The following SGCD variants were observed in gnomAD, a reference collection of about 807,000 sequenced individuals.
The protein encoded by SGCD is sarcoglycan delta, also known as delta-sarcoglycan.
A neutral mutation model predicts 36.6 loss-of-function variants in SGCD; 18 were observed. The observed-to-expected ratio is 0.49, with a 90% CI of 0.34 to 0.73. The LOEUF is 0.73. Among genes scored for constraint, SGCD ranks in the 30% least tolerant of loss-of-function variants. SGCD has a pLI of 0.01. For missense variants in SGCD, 387 were observed against 346.7 expected (o/e 1.12, Z -0.92); for synonymous variants, 133 against 130.6 (o/e 1.02, Z -0.12).
chr5:155,973,717 G>T (rs1003586732), intron 1 of SGCD, among the ~76,000 whole-genome samples: 6 of 152,178 alleles, frequency 3.9e-5, no homozygotes, highest in Non-Finnish European at 7.3e-5. Flanking sequence ...ACCTGGCTTT[G>T]AATTCTGGCT....
intron 1 of SGCD, among the ~76,000 whole-genome samples, chr5:155,960,257 C>T (rs1181616017): frequency 6.6e-6 from 1 of 152,018 alleles, no homozygotes; most frequent in Non-Finnish European, 1.5e-5. Context: ...CAGGGGAAAC[C>T]TAGGCCCTGC....
chr5:156,747,857 C>T (rs1279271742), intron 7 of SGCD, among the ~76,000 whole-genome samples: 1 of 152,120 alleles, frequency 6.6e-6, no homozygotes, highest in Non-Finnish European at 1.5e-5. Flanking sequence ...TAAAGACATG[C>T]CTGTCTTATA....
intron 7 of SGCD, among the ~76,000 whole-genome samples, chr5:156,664,789 G>A (rs1266138026): frequency 7.6e-6 from 1 of 131,526 alleles, no homozygotes; most frequent in Non-Finnish European, 1.6e-5. Context: ...CATATAAGGG[G>A]AGTTGGGTCC....
the SGCD span, among the ~76,000 whole-genome samples, chr5:155,832,108 C>A: frequency 6.6e-6 from 1 of 152,166 alleles, no homozygotes; most frequent in Non-Finnish European, 1.5e-5. Flanking sequence ...AAGATATAGT[C>A]AATTCTTCAG....
At chr5:156,686,238 A>G (rs74809905) in intron 7 of SGCD, among the ~76,000 whole-genome samples, 1 of 152,152 alleles carries the variant, frequency 6.6e-6, no homozygotes, top group Non-Finnish European at 1.5e-5. Flanking sequence ...ATCCAAGGTC[A>G]TATTGCATGT....
intron 3 of SGCD, among the ~76,000 whole-genome samples, chr5:156,148,120 T>C (rs1048377074): frequency 6.6e-6 from 1 of 152,156 alleles, no homozygotes; most frequent in African/African-American, 2.4e-5. Flanking sequence ...GAAAAAAGAA[T>C]GTGTGTCTTC....
chr5:156,063,574 T>A (rs1170807659), intron 1 of SGCD, among the ~76,000 whole-genome samples: 1 of 107,716 alleles, frequency 9.3e-6, no homozygotes, highest in Non-Finnish European at 1.9e-5. Flanking sequence ...GAGCATGGAA[T>A]GTTCTTCCAT....
chr5:155,921,562 G>C (rs1456610292), intron 1 of SGCD, among the ~76,000 whole-genome samples: 1 of 146,412 alleles, frequency 6.8e-6, no homozygotes, highest in East Asian at 2.1e-4. Context: ...TCTTTCTCTG[G>C]AAAGAAAGGG....
chr5:156,335,736 ACCTTGGGGTTCT>A (rs1158173727), intron 2 of SGCD, among the ~76,000 whole-genome samples: 2 of 151,824 alleles, frequency 1.3e-5, no homozygotes, highest in Non-Finnish European at 1.5e-5. Context: ...TTATGCTGAA[ACCTTGGGGTTCT>A]CCTTGACTCC....
intron 3 of SGCD, among the ~76,000 whole-genome samples, chr5:156,258,617 T>G (rs1485677869): frequency 1.3e-5 from 2 of 152,096 alleles, no homozygotes; most frequent in Admixed American, 1.3e-4. Flanking sequence ...TTCATATACT[T>G]CAACACACAA....
At chr5:156,612,414 G>A (rs280458) in intron 6 of SGCD, among the ~76,000 whole-genome samples, 36,607 of 152,150 alleles carry the variant, frequency 0.24, 4,518 homozygotes, top group East Asian at 0.31. Context: ...AAGTTTTGCC[G>A]AGAGCTGAAG....
chr5:156,593,291 C>T (rs1760796017), intron 5 of SGCD, among the ~76,000 whole-genome samples: 1 of 152,174 alleles, frequency 6.6e-6, no homozygotes, highest in Non-Finnish European at 1.5e-5. Flanking sequence ...CTGGTTGGCA[C>T]TATCAGCCCA....
At chr5:156,139,745 C>G (rs1184112542) in intron 3 of SGCD, among the ~76,000 whole-genome samples, 1 of 152,146 alleles carries the variant, frequency 6.6e-6, no homozygotes, top group Non-Finnish European at 1.5e-5. Context: ...AGGAAGAAAA[C>G]TGGTAGCATG....
intron 1 of SGCD, among the ~76,000 whole-genome samples, chr5:155,998,798 T>C (rs1758606596): frequency 1.3e-5 from 2 of 152,212 alleles, no homozygotes; most frequent in Admixed American, 6.5e-5. Flanking sequence ...TTCTATGACT[T>C]ACCTGCTGGG....
intron 6 of SGCD, among the ~76,000 whole-genome samples, chr5:156,625,619 C>A (rs1198410672): frequency 1.3e-5 from 2 of 152,136 alleles, no homozygotes; most frequent in African/African-American, 4.8e-5. Context: ...TGATCACAAA[C>A]CCACTGAATT....
chr5:156,386,129 A>C (rs558499054), intron 3 of SGCD, among the ~76,000 whole-genome samples: 11 of 152,162 alleles, frequency 7.2e-5, no homozygotes, highest in Non-Finnish European at 1.0e-4. Context: ...AGCTTTCCTT[A>C]GTTTACACAT....
chr5:156,375,392 C>T (rs971284498), intron 3 of SGCD, among the ~76,000 whole-genome samples: 52 of 136,206 alleles, frequency 3.8e-4, no homozygotes, highest in African/African-American at 1.4e-3. Context: ...ATATCCTTCA[C>T]AGCTTTTTTT....
At chr5:156,656,023 G>A (rs980114345) in intron 7 of SGCD, among the ~76,000 whole-genome samples, 1 of 152,110 alleles carries the variant, frequency 6.6e-6, no homozygotes, top group African/African-American at 2.4e-5. Context: ...AGAATAGGAA[G>A]TAGACGGTAA....
intron 1 of SGCD, among the ~76,000 whole-genome samples, chr5:155,963,175 C>T (rs1689706864): frequency 6.6e-6 from 1 of 152,104 alleles, no homozygotes; most frequent in Admixed American, 6.6e-5. Context: ...CTTGTATCCA[C>T]TGTGCCCGGA....
Sources: gnomAD v4.1 joint callset for allele counts (sites outside exome capture counted in the v4.1 genomes callset) on GRCh38, gnomAD v4.1.1 for gene constraint, MANE v1.5 for transcripts, NCBI Gene and HGNC (gene_info 2026-07-23, HGNC 2026-07-21) for gene names.